The following XAF1 variants were observed in gnomAD, a reference collection of about 807,000 sequenced individuals.
XAF1 encodes XIAP-associated factor 1.
XAF1 carries 32 observed loss-of-function variants against 32.3 expected under a neutral mutation model. The ratio of observed to expected loss-of-function variants is 0.99; its 90% CI spans 0.75 to 1.33. The LOEUF is 1.33. Among genes scored for constraint, XAF1 ranks in the 40% most tolerant of loss-of-function variants. The pLI, the probability that XAF1 is intolerant of heterozygous loss-of-function variation, is 0.00. For synonymous variants in XAF1, 120 were observed against 125.9 expected (o/e 0.95, Z 0.31); for missense variants, 379 against 366.0 (o/e 1.04, Z -0.29).
chr17:6,764,569 A>G (rs577223886), intron 5 of XAF1, among the ~76,000 whole-genome samples: 1 of 151,814 alleles, frequency 6.6e-6, no homozygotes, highest in African/African-American at 2.4e-5. Flanking sequence ...CACGAAAAGA[A>G]TTTTTTTTTA....
Position 6,762,236 on chromosome 17 carries a change from A to T in XAF1, c.503A>T (p.His168Leu). Residue 168 changes from histidine to leucine, a missense_variant, in exon 5 of 7, where the codon CAT becomes CTT. Physicochemically the swap from His to Leu is moderately conservative, Grantham distance 99. Coordinates refer to ENST00000361842, the MANE Select transcript of XAF1 (RefSeq NM_017523.5). ...QMIPENKYFH[H>L]MGKCCPDSEF... is the part of the protein sequence containing the mutation. Reference sequence around the variant, plus strand: ...ATTCCAGAAAATAAGTATTTCCACCATATGGTGAGTAGCACTTAGTAATTT... The same window carrying T: ...ATTCCAGAAAATAAGTATTTCCACCTTATGGTGAGTAGCACTTAGTAATTT... 6.2e-7 allele frequency: 1 copy of T among 1,609,958 alleles called. No individual in the cohort carries two copies. Among genetic ancestry groups the T allele is most frequent in the Non-Finnish European group, 8.5e-7 (1 of 1,178,066 alleles).
rs773179486 is a variant in XAF1, at chr17:6,770,634, C to T, written c.508-9C>T. 1.9e-5 allele frequency: 29 copies of T among 1,559,370 alleles called. No individual in the cohort carries two copies. The highest frequency in any genetic ancestry group is 2.2e-5 in the Non-Finnish European group (26 of 1,157,718). On this transcript the variant is annotated splice_polypyrimidine_tract_variant and intron_variant, in intron 5 of 6. Coordinates refer to ENST00000361842, the MANE Select transcript of XAF1 (RefSeq NM_017523.5). ...ATTTTAAAATTTGATATATTATTCACAATTGCAGGGTAAATGTTGTCCAGA... is the reference window on the plus strand; with the variant it reads ...ATTTTAAAATTTGATATATTATTCATAATTGCAGGGTAAATGTTGTCCAGA...
rs1272190704 is a variant in XAF1, at chr17:6,770,968, T to C, written c.833T>C (p.Ile278Thr). 5.6e-6 allele frequency: 9 copies of C among 1,613,994 alleles called. No homozygotes were observed. The highest frequency in any genetic ancestry group is 7.6e-6 in the Non-Finnish European group (9 of 1,180,002). ...TGTGGCATCCTGCTTCCCCTGCCGA[T>C]CCTAAATCAACATCAGGTACTCAGC... Reference protein sequence around the residue: ...SQCGILLPLPILNQHQEKCRW... With the variant: ...SQCGILLPLPTLNQHQEKCRW... Residue 278 changes from isoleucine (I) to threonine (T), a missense_variant, in exon 6 of 7, where the codon ATC (isoleucine) becomes ACC (threonine). Physicochemically the swap from Ile to Thr is moderately conservative, Grantham distance 89. Transcript: ENST00000361842.
intron 5 of XAF1, among the ~76,000 whole-genome samples, chr17:6,764,012 G>C (rs924609012): frequency 6.6e-6 from 1 of 152,140 alleles, no homozygotes; most frequent in Non-Finnish European, 1.5e-5. Flanking sequence ...TGTCCAGCCT[G>C]GCAACCAGGG....
chr17:6,760,619 G>A lies in XAF1; in HGVS notation c.421+18G>A. ...CGGGAAAGGTAAGCACACAAACTGG[G>A]GTGGAAGAGAGACGTTCCAAGGGCC... On this transcript the variant is annotated intron_variant, in intron 4 of 6. Transcript: ENST00000361842. 1.3e-6 allele frequency: 2 copies of A among 1,597,230 alleles called. No individual in the cohort carries two copies. Among genetic ancestry groups the A allele is most frequent in the Non-Finnish European group, 1.7e-6 (2 of 1,169,096 alleles).
At position 6,768,771 on chromosome 17, in the gene XAF1, T is replaced by C. The variant is rs1361532567; in HGVS notation, c.508-1872T>C. Among the ~76,000 whole-genome samples the C allele has an allele frequency of 2.6e-5, 4 of 152,234 alleles. No homozygotes were observed. The East Asian group carries it at 7.7e-4, about 29-fold the overall frequency. ...TTATATTTGGTTGATTTCAAGATCC[T>C]CTTTGCCTTTTACCTGTAACGTGTT... On this transcript the variant is annotated intron_variant, in intron 5 of 6. Transcript: ENST00000361842.
chr17:6,755,849 T>C (rs1974612717), upstream of XAF1: 1 of 1,365,902 alleles, frequency 7.3e-7, no homozygotes, highest in East Asian at 2.9e-5. Flanking sequence ...TAGATGCGGC[T>C]GTGACAGCAG....
At position 6,760,603 on chromosome 17, in the gene XAF1, T is replaced by A; in HGVS notation, c.421+2T>A. 6.2e-7 allele frequency: 1 copy of A among 1,603,704 alleles called. No homozygotes were observed. The highest frequency in any genetic ancestry group is 8.5e-7 in the Non-Finnish European group (1 of 1,173,180). On this transcript the variant is annotated splice_donor_variant, in intron 4 of 6. Coordinates refer to ENST00000361842, the MANE Select transcript of XAF1 (RefSeq NM_017523.5). LOFTEE classifies it high-confidence loss of function. ...GTGAACAGGCCCAGCTCGGGAAAGG[T>A]AAGCACACAAACTGGGGTGGAAGAG...
At chr17:6,772,318 A>G (rs141764048) in intron 6 of XAF1, among the ~76,000 whole-genome samples, 28 of 152,182 alleles carry the variant, frequency 1.8e-4, no homozygotes, top group African/African-American at 6.5e-4. Flanking sequence ...CCATGCAATG[A>G]TTGTTTTGCT....
intron 2 of XAF1, 33 bp from the exon 3 acceptor site, chr17:6,759,629 G>GGTGTGTGTGTGT (rs3833979): frequency 4.4e-5 from 66 of 1,512,332 alleles, no homozygotes; most frequent in Middle Eastern, 4.1e-4. Flanking sequence ...ACCCACATCT[G>GGTGTGTGTGTGT]GTGTGTGTGT....
upstream of XAF1, chr17:6,755,652 G>T: frequency 9.7e-7 from 1 of 1,031,752 alleles, no homozygotes; most frequent in Non-Finnish European, 1.2e-6. Context: ...GCTCAACATG[G>T]CAAGTTCCCT....
At chr17:6,755,722 A>G (rs1213380057), upstream of XAF1, 5 of 1,086,656 alleles carry the variant, frequency 4.6e-6, no homozygotes, top group Non-Finnish European at 5.6e-6. Flanking sequence ...TGGGAGGTGG[A>G]TGGTTTGGAA....
intron 6 of XAF1, 67 bp downstream of exon 6, chr17:6,771,051 A>C: frequency 6.5e-7 from 1 of 1,527,776 alleles, no homozygotes; most frequent in Non-Finnish European, 8.9e-7. Context: ...AAAAAATCCA[A>C]GACCTGAAAG....
rs114449461 is a variant in XAF1 at position 6,763,712 on chromosome 17, A to G, written c.507+1472A>G. On this transcript the variant is annotated intron_variant, in intron 5 of 6. Coordinates refer to ENST00000361842, the MANE Select transcript of XAF1 (RefSeq NM_017523.5). The stretch of plus-strand genomic sequence containing the variant: ...GAAGTGCAGTCTGTGGACCAGCTGC[A>G]TGAGCATCACCTGGAATCCTGTTAG... 6.6e-3 allele frequency among the ~76,000 whole-genome samples: 1,006 copies of G among 152,270 alleles called. 13 individuals are homozygous for G. Among genetic ancestry groups the G allele is most frequent in the African/African-American group, 0.023 (953 of 41,550 alleles).
intron 4 of XAF1, chr17:6,761,896 T>C (rs1443083471): frequency 6.8e-7 from 1 of 1,474,722 alleles, no homozygotes; most frequent in African/African-American, 1.4e-5. Context: ...AAACCAGTCC[T>C]GATCCAGGAA....
chr17:6,760,120 C>T (rs374399670), intron 3 of XAF1, among the ~76,000 whole-genome samples: 127 of 152,208 alleles, frequency 8.3e-4, no homozygotes, highest in African/African-American at 2.9e-3. Context: ...GAGGCCAAGG[C>T]GGGTGGATCA....
At chr17:6,765,929 A>C (rs778004341) in intron 5 of XAF1, among the ~76,000 whole-genome samples, 12 of 152,188 alleles carry the variant, frequency 7.9e-5, no homozygotes, top group Non-Finnish European at 1.6e-4. Flanking sequence ...TTAGAGATCT[A>C]TGTCATCTTT....
At position 6,766,481 on chromosome 17, in the gene XAF1, G is replaced by A. The variant is rs79634504; in HGVS notation, c.508-4162G>A. Among the ~76,000 whole-genome samples the A allele has an allele frequency of 8.2e-3, 1,245 of 152,122 alleles. 28 individuals are homozygous for A. Among genetic ancestry groups the A allele is most frequent in the African/African-American group, 0.028 (1,172 of 41,506 alleles). ...TTAGATATTACTTATTGACTCATAAGGATTTAGGAATATAGATTTCACTTT... is the reference window on the plus strand; with the variant it reads ...TTAGATATTACTTATTGACTCATAAAGATTTAGGAATATAGATTTCACTTT... On this transcript the variant is annotated intron_variant, in intron 5 of 6. Transcript: ENST00000361842.
At chr17:6,771,071 A>T (rs1275938555) in intron 6 of XAF1, 87 bp downstream of exon 6, 1 of 1,472,436 alleles carries the variant, frequency 6.8e-7, no homozygotes, top group African/African-American at 1.4e-5. Flanking sequence ...GATGTTCACA[A>T]ATGTTGTGGC....
Sources: gnomAD v4.1 joint callset for allele counts (sites outside exome capture counted in the v4.1 genomes callset) on GRCh38, gnomAD v4.1.1 for gene constraint, MANE v1.5 for transcripts, NCBI Gene and HGNC (gene_info 2026-07-23, HGNC 2026-07-21) for gene names.